RAB20: variants seen among roughly 807,000 people sequenced by gnomAD.
RAB20 encodes RAB20, member RAS oncogene family.
RAB20 carries 2 observed loss-of-function variants against 3.7 expected under a neutral mutation model. The ratio of observed to expected loss-of-function variants is 0.54; its 90% CI spans 0.22 to 1.69. The LOEUF (loss-of-function observed/expected upper bound fraction) is 1.69. Ranked by LOEUF, RAB20 falls within the 40% of genes most tolerant of loss-of-function variation. The pLI is 0.19. For missense variants in RAB20, 276 were observed against 311.9 expected, an observed-to-expected ratio of 0.88 and a Z score of 0.87; for synonymous variants, 126 against 130.8, an observed-to-expected ratio of 0.96 and a Z score of 0.25.
intron 1 of RAB20, among the ~76,000 whole-genome samples, chr13:110,543,079 T>C (rs1184330108): frequency 6.6e-6 from 1 of 152,212 alleles, no homozygotes; most frequent in Non-Finnish European, 1.5e-5. Context: ...TGTTGGCCAT[T>C]TGTATGTCTT....
intron 1 of RAB20, among the ~76,000 whole-genome samples, chr13:110,535,737 C>A (rs1428565930): frequency 6.6e-6 from 1 of 152,266 alleles, no homozygotes; most frequent in Non-Finnish European, 1.5e-5. Context: ...GGCCCAGCGC[C>A]TCTGAGCGCC....
intron 1 of RAB20, among the ~76,000 whole-genome samples, chr13:110,554,921 G>C (rs1169679161): frequency 6.6e-6 from 1 of 152,048 alleles, no homozygotes; most frequent in African/African-American, 2.4e-5. Context: ...TCTAGGTCCT[G>C]AGCCAAGCAG....
In RAB20 at chr13:110,561,483, C is replaced by G. The variant is rs762733212; in HGVS notation, c.37G>C (p.Asp13His). 3 of 1,593,978 alleles carry G rather than the reference C, an allele frequency of 1.9e-6. No homozygotes were observed. In the South Asian group the frequency reaches 3.3e-5, roughly 18 times the overall value. Residue 13 changes from aspartate to histidine, a missense_variant, in exon 1 of 2, where the codon GAC becomes CAC. By Grantham distance (81) the Asp-to-His change is moderately conservative. Transcript: ENST00000267328. ...KPDSKIVLLG[D>H]MNVGKTSLLQ... is the part of the protein sequence containing the mutation. ...AGCGACGTCTTCCCCACGTTCATGTCCCCCAGGAGCACGATCTTGCTGTCG... is the reference window on the plus strand; with the variant it reads ...AGCGACGTCTTCCCCACGTTCATGTGCCCCAGGAGCACGATCTTGCTGTCG...
chr13:110,531,766 C>A (rs762233337), intron 1 of RAB20, among the ~76,000 whole-genome samples: 1 of 152,170 alleles, frequency 6.6e-6, no homozygotes, highest in African/African-American at 2.4e-5. Context: ...GCCGACTGGG[C>A]GCTTTTGCAG....
Position 110,523,623 on chromosome 13 carries a change from C to CT in RAB20, c.*41dup. 2 of 1,594,870 alleles carry CT rather than the reference C, an allele frequency of 1.3e-6. No homozygotes were observed. The highest frequency in any genetic ancestry group is 1.3e-5 in the African/African-American group (1 of 74,652). On this transcript the variant is annotated 3_prime_UTR_variant, in exon 2 of 2. Coordinates refer to ENST00000267328, the MANE Select transcript of RAB20 (RefSeq NM_017817.3). ...GATCACAGCTTGCCTGGTCAGACCC[C>CT]TTCCCAACATGCACAGTCTGAGTCC... is the stretch of plus-strand genomic sequence containing the variant.
chr13:110,549,447 T>A (rs1884910766), intron 1 of RAB20, among the ~76,000 whole-genome samples: 1 of 151,512 alleles, frequency 6.6e-6, no homozygotes, highest in Non-Finnish European at 1.5e-5. Context: ...TCCTAGCTCA[T>A]GATTCTTACA....
rs1185985254 is a variant in RAB20, at chr13:110,555,767, C to T, written c.172+5581G>A. Among the ~76,000 whole-genome samples, 3 of 152,182 alleles carry T rather than the reference C, an allele frequency of 2.0e-5. No homozygotes were observed. Among genetic ancestry groups the T allele is most frequent in the Admixed American group, 6.5e-5 (1 of 15,286 alleles). On this transcript the variant is annotated intron_variant, in intron 1 of 1. Coordinates refer to ENST00000267328, the MANE Select transcript of RAB20 (RefSeq NM_017817.3). The surrounding 1 kb of genome is among the most constrained non-coding windows in gnomAD (Gnocchi z 4.0). ...TGGCCAGGTCTCCCAGGTTGCTGAGCCCTTGGGTGGCAGATGGCGACTTTT... is the reference window on the plus strand; with the variant it reads ...TGGCCAGGTCTCCCAGGTTGCTGAGTCCTTGGGTGGCAGATGGCGACTTTT...
chr13:110,561,526 G>A lies in RAB20; in HGVS notation c.-7C>T, dbSNP rs563444705. ...TGCTGTCGGGCTTCCTCATCTTCCC[G>A]TAAGAACCCCCAGCGCCCCCGCGCC... On this transcript the variant is annotated 5_prime_UTR_variant, in exon 1 of 2. It adds an upstream start codon to the 5' untranslated region. Coordinates refer to ENST00000267328, the MANE Select transcript of RAB20 (RefSeq NM_017817.3). 1.3e-6 allele frequency: 2 copies of A among 1,560,014 alleles called. No homozygotes were observed. Among genetic ancestry groups the A allele is most frequent in the South Asian group, 1.2e-5 (1 of 85,224 alleles).
chr13:110,536,490 C>A (rs1030057467), intron 1 of RAB20, among the ~76,000 whole-genome samples: 2 of 152,174 alleles, frequency 1.3e-5, no homozygotes, highest in Non-Finnish European at 2.9e-5. Context: ...TCCCCACTTC[C>A]TCTCCCCGAG....
chr13:110,526,248 A>G (rs986823615), intron 1 of RAB20, among the ~76,000 whole-genome samples: 1 of 152,240 alleles, frequency 6.6e-6, no homozygotes, highest in African/African-American at 2.4e-5. Context: ...GTGCCTCTGA[A>G]CAAGGATGAG....
intron 1 of RAB20, among the ~76,000 whole-genome samples, chr13:110,554,323 C>A (rs2139590217): frequency 6.6e-6 from 1 of 152,310 alleles, no homozygotes; most frequent in Middle Eastern, 3.4e-3. Context: ...ATCACAATTC[C>A]AACCTGAAGC....
At chr13:110,537,846 G>A (rs1204283434) in intron 1 of RAB20, among the ~76,000 whole-genome samples, 5 of 152,016 alleles carry the variant, frequency 3.3e-5, no homozygotes, top group African/African-American at 7.2e-5. Context: ...CCAGTCACAG[G>A]GGCCCTGGTC....
intron 1 of RAB20, among the ~76,000 whole-genome samples, chr13:110,526,813 C>A (rs1372067705): frequency 6.6e-6 from 1 of 152,176 alleles, no homozygotes; most frequent in Non-Finnish European, 1.5e-5. Context: ...ACCTGCCATG[C>A]CTTCATTCAT....
At chr13:110,550,174 T>C (rs948495389) in intron 1 of RAB20, among the ~76,000 whole-genome samples, 3 of 152,128 alleles carry the variant, frequency 2.0e-5, no homozygotes, top group Admixed American at 6.5e-5. Context: ...CTCACCCCCA[T>C]GCCACAAGGG....
chr13:110,560,901 G>A (rs537267555), intron 1 of RAB20, among the ~76,000 whole-genome samples: 4 of 152,112 alleles, frequency 2.6e-5, no homozygotes, highest in Non-Finnish European at 5.9e-5. Flanking sequence ...AACCCAACAG[G>A]GGGGAACACT....
chr13:110,536,175 C>T (rs1884635860), intron 1 of RAB20, among the ~76,000 whole-genome samples: 3 of 152,200 alleles, frequency 2.0e-5, no homozygotes, highest in African/African-American at 7.2e-5. Flanking sequence ...GCAAGGACGG[C>T]CAGCACCAGT....
At chr13:110,535,740 T>C (rs9515245) in intron 1 of RAB20, among the ~76,000 whole-genome samples, 99,371 of 151,792 alleles carry the variant, frequency 0.65, 32,714 homozygotes, top group Admixed American at 0.7. Context: ...CCAGCGCCTC[T>C]GAGCGCCCAC....
At position 110,555,901 on chromosome 13, in the gene RAB20, C is replaced by G. The variant is rs1251471763; in HGVS notation, c.172+5447G>C. ...TTTGCTAGGGGCCCAGCTGAGCCTC[C>G]CTCCTCCCTTTGTAACATGCCTGCT... is the stretch of plus-strand genomic sequence containing the variant. On this transcript the variant is annotated intron_variant, in intron 1 of 1. Coordinates refer to ENST00000267328, the MANE Select transcript of RAB20 (RefSeq NM_017817.3). This position sits in a 1 kb window ranked among gnomAD's most constrained non-coding sequence, Gnocchi z 4.0. 6.6e-6 allele frequency among the ~76,000 whole-genome samples: 1 copy of G among 152,196 alleles called. No homozygotes were observed. Among genetic ancestry groups the G allele is most frequent in the Non-Finnish European group, 1.5e-5 (1 of 68,042 alleles).
intron 1 of RAB20, among the ~76,000 whole-genome samples, chr13:110,549,146 G>A (rs1232594747): frequency 6.6e-6 from 1 of 152,202 alleles, no homozygotes; most frequent in Non-Finnish European, 1.5e-5. Context: ...AAAGACATCC[G>A]TTGCCATCAA....
Sources: gnomAD v4.1 joint callset for allele counts (sites outside exome capture counted in the v4.1 genomes callset) on GRCh38, gnomAD v4.1.1 for gene constraint, Gnocchi (gnomAD v3.1) non-coding constraint, MANE v1.5 for transcripts, NCBI Gene and HGNC (gene_info 2026-07-23, HGNC 2026-07-21) for gene names.